CTNNA2: variants seen among roughly 807,000 people sequenced by gnomAD.
CTNNA2 encodes the protein catenin alpha 2.
In CTNNA2, 42 loss-of-function variants were observed where a neutral mutation model predicts 101.0. The observed-to-expected ratio is 0.42, with a 90% CI of 0.32 to 0.54. The LOEUF (loss-of-function observed/expected upper bound fraction) is 0.54. Among genes scored for constraint, CTNNA2 ranks in the 20% least tolerant of loss-of-function variants. The probability of loss-of-function intolerance (pLI) is 0.14; values close to 1 mark genes in which losing one functional copy is unlikely to be tolerated. For missense variants in CTNNA2, 871 were observed against 1,223.1 expected (o/e 0.71, Z 4.29); for synonymous variants, 450 against 456.4 (o/e 0.99, Z 0.18).
At chr2:80,589,869 TG>T (rs1696290026) in intron 15 of CTNNA2, among the ~76,000 whole-genome samples, 1 of 122,756 alleles carries the variant, frequency 8.1e-6, no homozygotes, top group East Asian at 2.5e-4. Context: ...TCTGTGTGTG[TG>T]TGTGTGTGTG....
At chr2:79,436,062 T>C (rs1055874476) in intron 4 of CTNNA2, among the ~76,000 whole-genome samples, 3 of 152,184 alleles carry the variant, frequency 2.0e-5, no homozygotes, top group Admixed American at 1.3e-4. Flanking sequence ...TGGTTTGGTC[T>C]GGGGCAGAAC....
intron 2 of CTNNA2, among the ~76,000 whole-genome samples, chr2:79,743,211 T>A (rs1021691349): frequency 1.3e-5 from 2 of 152,008 alleles, no homozygotes; most frequent in Non-Finnish European, 2.9e-5. Context: ...GACTGGCAAC[T>A]TTTGTTGAAC....
intron 4 of CTNNA2, among the ~76,000 whole-genome samples, chr2:79,470,047 A>C (rs1009909578): frequency 6.6e-6 from 1 of 152,240 alleles, no homozygotes; most frequent in South Asian, 2.1e-4. Flanking sequence ...AGGCAGGAGA[A>C]GGAAATAAAG....
chr2:80,261,420 T>C (rs926818338), intron 7 of CTNNA2, among the ~76,000 whole-genome samples: 4 of 152,084 alleles, frequency 2.6e-5, no homozygotes, highest in Admixed American at 2.6e-4. Context: ...TCCAGTTTAA[T>C]GACTTCATTA....
upstream of CTNNA2, among the ~76,000 whole-genome samples, chr2:79,509,374 G>T (rs1671486423): frequency 6.6e-6 from 1 of 152,130 alleles, no homozygotes; most frequent in African/African-American, 2.4e-5. Context: ...ATGACCTTCT[G>T]TAGGTGAGTG....
chr2:79,404,027 G>A (rs774598727), intron 4 of CTNNA2, among the ~76,000 whole-genome samples: 20 of 151,698 alleles, frequency 1.3e-4, no homozygotes, highest in African/African-American at 2.7e-4. Flanking sequence ...AGCTAGTTCC[G>A]TAGAATTTAC....
intron 7 of CTNNA2, among the ~76,000 whole-genome samples, chr2:80,137,709 G>A (rs888679162): frequency 1.1e-4 from 17 of 151,554 alleles, no homozygotes; most frequent in African/African-American, 4.1e-4. Context: ...CATGGGATGG[G>A]TTTTAGAACA....
At chr2:80,557,193 A>G (rs1573255409) in intron 12 of CTNNA2, among the ~76,000 whole-genome samples, 1 of 152,324 alleles carries the variant, frequency 6.6e-6, no homozygotes, top group African/African-American at 2.4e-5. Context: ...AGACTTAGAC[A>G]TAATAACAAA....
chr2:79,732,524 C>G (rs896540450), intron 2 of CTNNA2, among the ~76,000 whole-genome samples: 1 of 151,862 alleles, frequency 6.6e-6, no homozygotes, highest in East Asian at 1.9e-4. Flanking sequence ...TGTATGCATA[C>G]AAATAGAGAA....
chr2:80,297,120 G>T (rs1675816541), intron 7 of CTNNA2, among the ~76,000 whole-genome samples: 2 of 152,170 alleles, frequency 1.3e-5, no homozygotes, highest in African/African-American at 4.8e-5. Flanking sequence ...CCAGTGACCA[G>T]AGCAAACAAG....
rs112469199 is a variant in CTNNA2, at chr2:79,887,508, C to T, written c.852+13166C>T. Among the ~76,000 whole-genome samples, 273 of 152,010 alleles carry T rather than the reference C, an allele frequency of 1.8e-3. 1 individual carries two copies. The highest frequency in any genetic ancestry group is 3.4e-3 in the Middle Eastern group (1 of 294). ...ATTTTTTTGGCTCTTAGTTCATTTC[C>T]GTTCCCATCAGTATGATTGTTAAAT... On this transcript the variant is annotated intron_variant, in intron 6 of 18. Coordinates refer to ENST00000402739, the MANE Select transcript of CTNNA2 (RefSeq NM_001282597.3).
chr2:79,329,730 A>G (rs1676828082), intron 3 of CTNNA2, among the ~76,000 whole-genome samples: 1 of 152,064 alleles, frequency 6.6e-6, no homozygotes, highest in Non-Finnish European at 1.5e-5. Flanking sequence ...ACACTTAGAG[A>G]TCTCAAAGTC....
At chr2:79,293,744 T>C (rs563468378) in intron 2 of CTNNA2, among the ~76,000 whole-genome samples, 3 of 152,224 alleles carry the variant, frequency 2.0e-5, no homozygotes, top group Admixed American at 2.0e-4. Context: ...TGGGTGTCTT[T>C]GAATAGGGAG....
At chr2:80,104,753 A>T (rs1427556846) in intron 7 of CTNNA2, among the ~76,000 whole-genome samples, 1 of 152,194 alleles carries the variant, frequency 6.6e-6, no homozygotes, top group Non-Finnish European at 1.5e-5. Flanking sequence ...AATGCAACTT[A>T]TTTGTCACTA....
At chr2:79,215,121 C>A (rs12475402) in intron 2 of CTNNA2, among the ~76,000 whole-genome samples, 125,526 of 152,002 alleles carry the variant, frequency 0.83, 52,288 homozygotes, top group East Asian at 1. Flanking sequence ...TCAGTCAGAG[C>A]GCCTTGGGCC....
At chr2:80,485,886 T>C (rs1278906380) in intron 9 of CTNNA2, among the ~76,000 whole-genome samples, 1 of 152,222 alleles carries the variant, frequency 6.6e-6, no homozygotes, top group Non-Finnish European at 1.5e-5. Flanking sequence ...TGGTGTTTTA[T>C]CTTGAGCTTC....
chr2:79,521,141 T>G (rs1385807755), intron 1 of CTNNA2, among the ~76,000 whole-genome samples: 1 of 53,924 alleles, frequency 1.9e-5, no homozygotes, highest in African/African-American at 9.7e-5. Flanking sequence ...TATATATATA[T>G]ATATATATAT....
At chr2:79,505,266 T>C (rs976653877) in intron 5 of CTNNA2, 1 of 152,256 alleles carries the variant, frequency 6.6e-6, no homozygotes, top group African/African-American at 2.4e-5. Flanking sequence ...TTTTTCATTT[T>C]TTCTTCTTCA....
chr2:80,071,744 CA>C (rs1448195585), intron 7 of CTNNA2, among the ~76,000 whole-genome samples: 1 of 152,144 alleles, frequency 6.6e-6, no homozygotes, highest in East Asian at 1.9e-4. Context: ...CAACGTTGTA[CA>C]GAGTACTTGG....
Sources: allele counts gnomAD v4.1 joint callset (sites outside exome capture counted in the v4.1 genomes callset), GRCh38; gene constraint gnomAD v4.1.1; transcripts MANE v1.5; gene names NCBI Gene and HGNC (gene_info 2026-07-23, HGNC 2026-07-21).